Variants in FAM204A observed in about 807,000 individuals in gnomAD.
FAM204A encodes the protein family with sequence similarity 204 member A.
In FAM204A, 16 loss-of-function variants were observed where a neutral mutation model predicts 35.4. The observed-to-expected ratio is 0.45, with a 90% CI of 0.31 to 0.69. FAM204A has a LOEUF of 0.69. Ranked by LOEUF, FAM204A falls within the 30% of genes least tolerant of loss-of-function variation. The pLI is 0.07. For missense variants in FAM204A, 240 were observed against 265.7 expected, an observed-to-expected ratio of 0.90 and a Z score of 0.67; for synonymous variants, 76 against 86.9, an observed-to-expected ratio of 0.88 and a Z score of 0.70.
rs1488669723 is a variant in FAM204A at position 118,341,249 on chromosome 10, GCTGT to G, written c.-9+474_-9+477del. On this transcript the variant is annotated intron_variant, in intron 2 of 8. Transcript: ENST00000369183. ...TTAAATTCCATTTTCATCGTATAAG[GCTGT>G]CTTATTTCCTATATTTTGTATTTGA... 7.9e-5 allele frequency among the ~76,000 whole-genome samples: 12 copies of G among 152,160 alleles called. No individual in the cohort carries two copies. In the East Asian group the frequency reaches 1.5e-3, roughly 20 times the overall value.
intron 7 of FAM204A, among the ~76,000 whole-genome samples, chr10:118,321,457 CAG>C (rs1334297809): frequency 6.6e-6 from 1 of 151,942 alleles, no homozygotes; most frequent in Non-Finnish European, 1.5e-5. Flanking sequence ...GGGCAAAGAA[CAG>C]GGCCTAAATT....
At chr10:118,328,887 T>C (rs900346385) in intron 6 of FAM204A, among the ~76,000 whole-genome samples, 2 of 152,156 alleles carry the variant, frequency 1.3e-5, no homozygotes, top group African/African-American at 4.8e-5. Context: ...CGTCTTACTT[T>C]TTACCCTCCC....
At position 118,300,682 on chromosome 10, in the gene FAM204A, G is replaced by A. The variant is rs530402405; in HGVS notation, c.*10175C>T. 4 of 152,236 alleles carry A rather than the reference G, an allele frequency of 2.6e-5. No homozygotes were observed. Among genetic ancestry groups the A allele is most frequent in the South Asian group, 2.1e-4 (1 of 4,812 alleles). 9.4% of individuals were successfully genotyped at this position (152,236 alleles called of 1,614,324 possible). The stretch of plus-strand genomic sequence containing the variant: ...CAGTCCTTTAGCCACCCACCTATAG[G>A]AGCTTAGCCCTGGGGAATTCTTTGG... On this transcript the variant is annotated 3_prime_UTR_variant, in exon 9 of 9. Transcript: ENST00000369183.
intron 7 of FAM204A, 49 bp downstream of exon 7, chr10:118,326,105 A>G: frequency 7.1e-7 from 1 of 1,402,874 alleles, no homozygotes; most frequent in Non-Finnish European, 1.0e-6. Context: ...ATACAAATTT[A>G]TTCTAGAAAA....
intron 6 of FAM204A, among the ~76,000 whole-genome samples, chr10:118,333,102 A>G (rs1037973774): frequency 1.3e-5 from 2 of 152,234 alleles, no homozygotes; most frequent in African/African-American, 4.8e-5. Context: ...TCTGAGAGGC[A>G]GGTGACAGCA....
rs1004212582 is a variant in FAM204A, at chr10:118,342,308, C to G, written c.-248G>C. The G allele has an allele frequency of 6.6e-6, 1 of 152,476 alleles. No homozygotes were observed. The highest frequency in any genetic ancestry group is 2.4e-5 in the African/African-American group (1 of 41,476). The allele number at this position is 152,476 out of a possible 1,614,324, so 9.4% of individuals were successfully genotyped here. On this transcript the variant is annotated 5_prime_UTR_variant, in exon 1 of 9. Transcript: ENST00000369183. Reference sequence around the variant, plus strand: ...GTCGCCCAGCAGCCATCTTAGGACCCCGTCAACATCGCGCCTTCTCATTGG... The same window carrying G: ...GTCGCCCAGCAGCCATCTTAGGACCGCGTCAACATCGCGCCTTCTCATTGG...
At position 118,337,409 on chromosome 10, in the gene FAM204A, C is replaced by T. The variant is rs536845453; in HGVS notation, c.-8-986G>A. On this transcript the variant is annotated intron_variant, in intron 2 of 8. Transcript: ENST00000369183. ...TTTTCTGTCCCATATTGTGATTAAC[C>T]TAGTTAAAAAACAAACAAACAAACA... Among the ~76,000 whole-genome samples the T allele has an allele frequency of 7.5e-4, 114 of 152,264 alleles. 1 individual carries two copies. The South Asian group carries it at 0.017, about 23-fold the overall frequency.
rs1389699628 is a variant in FAM204A at position 118,310,463 on chromosome 10, T to A, written c.*394A>T. On this transcript the variant is annotated 3_prime_UTR_variant, in exon 9 of 9. Coordinates refer to ENST00000369183, the MANE Select transcript of FAM204A (RefSeq NM_022063.3). ...TCGTGCTACTGCACTCTAGCCTGGG[T>A]GACAGAGCAAGCGAGGCTCTGTCTC... The A allele has an allele frequency of 6.0e-6, 1 of 167,836 alleles. No individual in the cohort carries two copies. Among genetic ancestry groups the A allele is most frequent in the Admixed American group, 7.1e-5 (1 of 14,128 alleles). 10.4% of individuals were successfully genotyped at this position (167,836 alleles called of 1,614,324 possible).
intron 7 of FAM204A, among the ~76,000 whole-genome samples, chr10:118,316,687 T>A (rs1293541069): frequency 1.3e-5 from 2 of 152,144 alleles, no homozygotes. Flanking sequence ...TTAAAACACA[T>A]CAAATAGATA....
At chr10:118,336,905 G>T (rs1258464962) in intron 2 of FAM204A, among the ~76,000 whole-genome samples, 1 of 152,166 alleles carries the variant, frequency 6.6e-6, no homozygotes, top group Non-Finnish European at 1.5e-5. Context: ...TGTCTAAGGA[G>T]CAGGAAAATA....
At chr10:118,335,494 G>T in intron 4 of FAM204A, 60 bp downstream of exon 4, 5 of 1,600,346 alleles carry the variant, frequency 3.1e-6, no homozygotes, top group Non-Finnish European at 4.3e-6. Context: ...TAAAAAAATG[G>T]TTAAACTCAG....
At chr10:118,324,460 C>A (rs1846167267) in intron 7 of FAM204A, among the ~76,000 whole-genome samples, 1 of 152,164 alleles carries the variant, frequency 6.6e-6, no homozygotes, top group Admixed American at 6.6e-5. Flanking sequence ...AAATGCAATA[C>A]AAACCCAGAA....
At chr10:118,326,078 TA>T (rs1375955303) in intron 7 of FAM204A, 75 bp downstream of exon 7, 64 of 1,128,414 alleles carry the variant, frequency 5.7e-5, no homozygotes, top group Non-Finnish European at 8.2e-5. Context: ...CTGAACTTAT[TA>T]ATGATCATAA....
At chr10:118,329,317 A>T (rs939234467) in intron 6 of FAM204A, among the ~76,000 whole-genome samples, 2 of 152,112 alleles carry the variant, frequency 1.3e-5, no homozygotes, top group Admixed American at 6.5e-5. Flanking sequence ...AGCTTAAAGC[A>T]TTACTTCATA....
At chr10:118,310,946 A>T in intron 8 of FAM204A, 38 bp from the exon 9 acceptor site, 1 of 736,318 alleles carries the variant, frequency 1.4e-6, no homozygotes, top group Non-Finnish European at 1.9e-6. Context: ...TTTATTTCTT[A>T]AAAAAAAAAA....
intron 7 of FAM204A, among the ~76,000 whole-genome samples, chr10:118,319,472 T>C (rs1016516430): frequency 2.0e-5 from 3 of 152,106 alleles, no homozygotes; most frequent in Non-Finnish European, 4.4e-5. Flanking sequence ...TAAAATTCAA[T>C]TTCTGGCACA....
In FAM204A at chr10:118,335,096, C is replaced by G. The variant is rs1278890809; in HGVS notation, c.453+18G>C. 1 of 1,545,776 alleles carries G rather than the reference C, an allele frequency of 6.5e-7. No individual in the cohort carries two copies. Among genetic ancestry groups the G allele is most frequent in the South Asian group, 1.1e-5 (1 of 88,846 alleles). Reference sequence around the variant, plus strand: ...ATATCCTACTAGCTGGTATAAGATGCAATAACAAAGATATTACCTTCTCAA... The same window carrying G: ...ATATCCTACTAGCTGGTATAAGATGGAATAACAAAGATATTACCTTCTCAA... On this transcript the variant is annotated intron_variant, in intron 6 of 8. Coordinates refer to ENST00000369183, the MANE Select transcript of FAM204A (RefSeq NM_022063.3).
rs1845821909 is a variant in FAM204A at position 118,302,719 on chromosome 10, C to G, written c.*8138G>C. 6.6e-6 allele frequency: 1 copy of G among 152,164 alleles called. No homozygotes were observed. Among genetic ancestry groups the G allele is most frequent in the African/African-American group, 2.4e-5 (1 of 41,428 alleles). The allele number at this position is 152,164 out of a possible 1,614,324, so 9.4% of individuals were successfully genotyped here. On this transcript the variant is annotated 3_prime_UTR_variant, in exon 9 of 9. Transcript: ENST00000369183. ...AATGGAAGTAATGTACTAGTACAGG[C>G]AGTCTGTTTGGGAATATGAGCGTTT...
At chr10:118,322,527 C>A in intron 7 of FAM204A, 1 of 253,822 alleles carries the variant, frequency 3.9e-6, no homozygotes. Context: ...TCCTGAGAAA[C>A]AAAGAAAAAC....
Sources: allele counts gnomAD v4.1 joint callset (sites outside exome capture counted in the v4.1 genomes callset), GRCh38; gene constraint gnomAD v4.1.1; transcripts MANE v1.5; gene names NCBI Gene and HGNC (gene_info 2026-07-23, HGNC 2026-07-21).